NYNRIN: variants seen among roughly 807,000 people sequenced by gnomAD.
NYNRIN encodes the protein protein NYNRIN.
NYNRIN carries 86 observed loss-of-function variants against 146.6 expected under a neutral mutation model. The observed-to-expected ratio is 0.59, with a 90% CI of 0.49 to 0.70. The LOEUF is 0.70. NYNRIN is among the 30% of genes least tolerant of loss of function. The pLI is 0.00. For missense variants in NYNRIN, 2,191 were observed against 2,377.7 expected (o/e 0.92, Z 1.63); for synonymous variants, 1,027 against 1,001.3 (o/e 1.03, Z -0.48).
In NYNRIN at chr14:24,416,769, C is replaced by T; in HGVS notation, c.5020C>T (p.Pro1674Ser). The part of the protein sequence containing the change: ...LQHVFARWGV[P>S]VRLEAAQGPQ... ...GCATGTGTTTGCAAGGTGGGGTGTT[C>T]CTGTGAGGCTGGAGGCAGCCCAGGG... is the stretch of plus-strand genomic sequence containing the variant. The change falls in exon 9 of 9, where the codon CCT (proline) becomes TCT (serine). Residue 1674 changes from proline (P) to serine (S), a missense_variant. By Grantham distance (74) the Pro-to-Ser change is moderately conservative (BLOSUM62 -1). Around this residue, in one of 3 missense-constraint regions of NYNRIN, gnomAD observed 1,291 missense variants for 1,417.0 expected, o/e 0.91. Transcript: ENST00000382554. 1 of 1,613,680 alleles carries T rather than the reference C, an allele frequency of 6.2e-7. No individual in the cohort carries two copies. Among genetic ancestry groups the T allele is most frequent in the Middle Eastern group, 1.6e-4 (1 of 6,062 alleles).
At chr14:24,401,035 C>T (rs544395553) in intron 2 of NYNRIN, among the ~76,000 whole-genome samples, 258 of 152,290 alleles carry the variant, frequency 1.7e-3, no homozygotes, top group African/African-American at 5.1e-3. Flanking sequence ...GTGATCCACC[C>T]GCCTTGGCCT....
rs2042910987 is a variant in NYNRIN, at chr14:24,411,227, C to A, written c.2545+21C>A. 1 of 1,608,452 alleles carries A rather than the reference C, an allele frequency of 6.2e-7. No individual in the cohort carries two copies. The highest frequency in any genetic ancestry group is 2.2e-5 in the East Asian group (1 of 44,808). On this transcript the variant is annotated intron_variant, in intron 5 of 8. Transcript: ENST00000382554. The surrounding 1 kb of genome is among the most constrained non-coding windows in gnomAD (Gnocchi z 4.3). ...GAGAGGTGAGGTGTCCCCTGCCTGC[C>A]CAGCCTCCACAGTGTCACCAAGCTT...
Sources: gnomAD v4.1 joint callset for allele counts (sites outside exome capture counted in the v4.1 genomes callset) on GRCh38, gnomAD v4.1.1 for gene constraint, gnomAD v4.1.1 regional missense constraint, Gnocchi (gnomAD v3.1) non-coding constraint, MANE v1.5 for transcripts, NCBI Gene and HGNC (gene_info 2026-07-23, HGNC 2026-07-21) for gene names.